The following CDH17 variants were observed in gnomAD, a reference collection of about 807,000 sequenced individuals.
CDH17 encodes cadherin-17.
A neutral mutation model predicts 86.3 loss-of-function variants in CDH17; 67 were observed. The observed-to-expected ratio is 0.78, with a 90% CI of 0.64 to 0.95. The LOEUF (loss-of-function observed/expected upper bound fraction) is 0.95, where lower values mean the gene tolerates loss of function less well. CDH17 is among the 40% of genes least tolerant of loss of function. The pLI is 0.00. For synonymous variants in CDH17, 367 were observed against 366.4 expected (o/e 1.00, Z -0.02); for missense variants, 993 against 1,017.6 (o/e 0.98, Z 0.33).
At chr8:94,188,662 C>T (rs944072552) in intron 3 of CDH17, among the ~76,000 whole-genome samples, 37 of 152,310 alleles carry the variant, frequency 2.4e-4, no homozygotes, top group African/African-American at 8.7e-4. Flanking sequence ...ACTGCCCCTC[C>T]ATCTGATACT....
chr8:94,147,283 C>T (rs548605702), intron 14 of CDH17, among the ~76,000 whole-genome samples: 1 of 152,310 alleles, frequency 6.6e-6, no homozygotes, highest in African/African-American at 2.4e-5. Context: ...TGCACTCAAG[C>T]AAGAGACAGA....
Position 94,177,688 on chromosome 8 carries a change from G to T in CDH17, c.184C>A (p.Leu62Ile). 1 of 1,613,676 alleles carries T rather than the reference G, an allele frequency of 6.2e-7. No individual in the cohort carries two copies. The highest frequency in any genetic ancestry group is 8.5e-7 in the Non-Finnish European group (1 of 1,179,752). Residue 62 changes from leucine to isoleucine, a missense_variant, in exon 4 of 18, where the codon CTA becomes ATA. Physicochemically the swap from Leu to Ile is conservative, Grantham distance 5. Transcript: ENST00000027335. The stretch of plus-strand genomic sequence containing the variant: ...AATATGTTGTCTGTCTCCCCAGTTA[G>T]TTCAAAAGTCACAGCAGGAGGATTG... ...KANPPAVTFELTGETDNIFVI... is the reference protein window; with the variant it reads ...KANPPAVTFEITGETDNIFVI...
chr8:94,188,522 A>G (rs1402318137), intron 3 of CDH17, among the ~76,000 whole-genome samples: 1 of 152,070 alleles, frequency 6.6e-6, no homozygotes, highest in African/African-American at 2.4e-5. Context: ...GGGCCAAGTG[A>G]CTTTCTCAGG....
intron 12 of CDH17, among the ~76,000 whole-genome samples, chr8:94,155,248 C>T (rs755445995): frequency 2.6e-5 from 4 of 151,988 alleles, no homozygotes; most frequent in Non-Finnish European, 5.9e-5. Flanking sequence ...ATTAGGGCTT[C>T]TCCCCCTGAA....
At chr8:94,169,469 G>T (rs544144681) in intron 9 of CDH17, among the ~76,000 whole-genome samples, 1 of 152,100 alleles carries the variant, frequency 6.6e-6, no homozygotes, top group Non-Finnish European at 1.5e-5. Context: ...CCAAGCCTCC[G>T]GGAAGGCACC....
At chr8:94,210,599 CT>C (rs1339904772), upstream of CDH17, among the ~76,000 whole-genome samples, 4 of 152,164 alleles carry the variant, frequency 2.6e-5, no homozygotes, top group Non-Finnish European at 5.9e-5. Context: ...ATTTTAGGAA[CT>C]CATTTTCATG....
chr8:94,192,187 C>T (rs1813702390), intron 2 of CDH17, among the ~76,000 whole-genome samples: 2 of 152,100 alleles, frequency 1.3e-5, no homozygotes, highest in Admixed American at 6.5e-5. Flanking sequence ...CTCTTCCTGC[C>T]AATAAACATG....
intron 10 of CDH17, 76 bp downstream of exon 10, chr8:94,165,685 C>T (rs1444427558): frequency 3.1e-6 from 3 of 956,504 alleles, no homozygotes; most frequent in Non-Finnish European, 5.1e-6. Flanking sequence ...ACATACCAGA[C>T]ATTAGCGCAG....
intron 1 of CDH17, among the ~76,000 whole-genome samples, chr8:94,199,894 A>T (rs1036516656): frequency 2.0e-5 from 3 of 152,180 alleles, no homozygotes; most frequent in African/African-American, 7.2e-5. Flanking sequence ...GAGTTAAGAG[A>T]TTCAGCGAGT....
chr8:94,172,551 C>T (rs1813289739), intron 7 of CDH17, among the ~76,000 whole-genome samples: 1 of 152,124 alleles, frequency 6.6e-6, no homozygotes, highest in Non-Finnish European at 1.5e-5. Flanking sequence ...CTTCACAAAA[C>T]ACTGAAGTAT....
upstream of CDH17, among the ~76,000 whole-genome samples, chr8:94,212,653 G>A (rs986171186): frequency 1.3e-5 from 2 of 152,154 alleles, no homozygotes; most frequent in Non-Finnish European, 2.9e-5. Flanking sequence ...GCCACCTTGC[G>A]ATATTCTGAA....
rs746585967 is a variant in CDH17, at chr8:94,151,946, G to T, written c.1718C>A (p.Ala573Glu). 5.6e-5 allele frequency: 91 copies of T among 1,614,134 alleles called. No individual in the cohort carries two copies. The highest frequency in any genetic ancestry group is 7.3e-5 in the Non-Finnish European group (86 of 1,180,002). The change falls in exon 13 of 18, where the codon GCG becomes GAG. Residue 573 changes from alanine to glutamate, a missense_variant. Transcript: ENST00000027335. ...APQFSQHVFQ[A>E]KVSEDVAIGT... is the part of the protein sequence containing the mutation. ...TATAGCTACATCCTCACTGACTTTC[G>T]CTTGGAATACGTGTTGGGAAAATTG... is the stretch of plus-strand genomic sequence containing the variant.
chr8:94,155,638 C>A (rs1057255036), intron 12 of CDH17, among the ~76,000 whole-genome samples: 1 of 152,172 alleles, frequency 6.6e-6, no homozygotes, highest in Non-Finnish European at 1.5e-5. Context: ...CAGAAGAGAA[C>A]GTGCAAGGCT....
chr8:94,155,593 C>T (rs1337904293), intron 12 of CDH17, among the ~76,000 whole-genome samples: 1 of 152,156 alleles, frequency 6.6e-6, no homozygotes, highest in African/African-American at 2.4e-5. Flanking sequence ...AGAAATGAGA[C>T]ACTGTGTGTG....
At chr8:94,179,883 A>G (rs903414020) in intron 3 of CDH17, among the ~76,000 whole-genome samples, 1 of 152,224 alleles carries the variant, frequency 6.6e-6, no homozygotes, top group Non-Finnish European at 1.5e-5. Flanking sequence ...GAGTTGCCAC[A>G]TCACATTATT....
At position 94,130,660 on chromosome 8, in the gene CDH17, T is replaced by C. The variant is rs146691258; in HGVS notation, c.2364A>G (p.Ala788=). 4.8e-4 allele frequency: 770 copies of C among 1,613,702 alleles called. 1 individual carries two copies. The African/African-American group carries it at 9.2e-3, about 19-fold the overall frequency. The part of the protein sequence containing the change: ...HQTGIPTVGM[A]VGILLTTLLV... ...GAAGGGTGGTCAGCAGTATACCAACTGCCATGCCCACAGTGGGTATCCCAG... is the reference window on the plus strand; with the variant it reads ...GAAGGGTGGTCAGCAGTATACCAACCGCCATGCCCACAGTGGGTATCCCAG... The change falls in exon 17 of 18, where the codon GCA becomes GCG. Residue 788 remains alanine, a synonymous_variant. Transcript: ENST00000027335.
At position 94,152,125 on chromosome 8, in the gene CDH17, AAG is replaced by A; in HGVS notation, c.1552-15_1552-14del. 4 of 1,611,600 alleles carry A rather than the reference AAG, an allele frequency of 2.5e-6. No homozygotes were observed. On this transcript the variant is annotated splice_polypyrimidine_tract_variant and intron_variant, in intron 12 of 17. Transcript: ENST00000027335. ...CAAAATCAAGAGGCTGTGTAGGAGA[AAG>A]AGAGAAAATTAATTTTGGGGTGATT...
chr8:94,143,775 T>C (rs542743777), intron 15 of CDH17, among the ~76,000 whole-genome samples: 7 of 152,352 alleles, frequency 4.6e-5, no homozygotes, highest in Admixed American at 6.5e-5. Context: ...TCCTCACCTC[T>C]GTCAGCCTTT....
intron 1 of CDH17, among the ~76,000 whole-genome samples, chr8:94,199,073 ATATATATATATTTTTTTT>A (rs1813850280): frequency 2.2e-4 from 3 of 13,510 alleles, no homozygotes; most frequent in African/African-American, 6.4e-4. Flanking sequence ...ATATATATAT[ATATATATATATTTTTTTT>A]TTTTTATCAT....
Sources: gnomAD v4.1 joint callset for allele counts (sites outside exome capture counted in the v4.1 genomes callset) on GRCh38, gnomAD v4.1.1 for gene constraint, MANE v1.5 for transcripts, NCBI Gene and HGNC (gene_info 2026-07-23, HGNC 2026-07-21) for gene names.